Variants in DOCK2 observed in about 807,000 individuals in gnomAD.
The protein encoded by DOCK2 is dedicator of cytokinesis protein 2.
DOCK2 carries 87 observed loss-of-function variants against 248.9 expected under a neutral mutation model. The ratio of observed to expected loss-of-function variants is 0.35; its 90% confidence interval spans 0.29 to 0.42. DOCK2 has a LOEUF of 0.42. Ranked by LOEUF, DOCK2 falls within the 10% of genes least tolerant of loss-of-function variation. DOCK2 has a pLI of 1.00. For synonymous variants in DOCK2, 805 were observed against 821.6 expected (o/e 0.98, Z 0.35); for missense variants, 1,747 against 2,300.2 (o/e 0.76, Z 4.92).
At chr5:169,706,841 G>T (rs1227102880) in intron 14 of DOCK2, among the ~76,000 whole-genome samples, 1 of 152,226 alleles carries the variant, frequency 6.6e-6, no homozygotes, top group Non-Finnish European at 1.5e-5. Context: ...AGCACAAGGG[G>T]AGATTTCCAG....
chr5:169,787,268 C>T (rs906626782), intron 25 of DOCK2, among the ~76,000 whole-genome samples: 14 of 152,238 alleles, frequency 9.2e-5, no homozygotes, highest in African/African-American at 3.4e-4. Flanking sequence ...TCCTTCCATT[C>T]CTCTTCTTCA....
At chr5:169,808,302 G>A (rs895670118) in intron 26 of DOCK2, among the ~76,000 whole-genome samples, 1 of 152,108 alleles carries the variant, frequency 6.6e-6, no homozygotes, top group Non-Finnish European at 1.5e-5. Flanking sequence ...GCTTCCATTT[G>A]GGGGGCGCTG....
chr5:170,034,810 A>G (rs1756266819), intron 35 of DOCK2, among the ~76,000 whole-genome samples: 1 of 152,180 alleles, frequency 6.6e-6, no homozygotes, highest in Non-Finnish European at 1.5e-5. Context: ...AACACATCAC[A>G]TGGAAGGAAG....
At chr5:170,045,365 C>T (rs576525995) in intron 38 of DOCK2, among the ~76,000 whole-genome samples, 11 of 152,274 alleles carry the variant, frequency 7.2e-5, no homozygotes, top group African/African-American at 2.4e-4. Flanking sequence ...TCAAAGGTTT[C>T]CTTCACTAAA....
intron 25 of DOCK2, among the ~76,000 whole-genome samples, chr5:169,782,055 C>T (rs184565762): frequency 1.7e-4 from 26 of 152,274 alleles, no homozygotes; most frequent in Non-Finnish European, 3.4e-4. Flanking sequence ...CCACAGCACT[C>T]TGCTGTCTGT....
At chr5:169,803,229 A>T (rs1309401229) in intron 26 of DOCK2, 23 bp downstream of exon 26, 1 of 1,609,176 alleles carries the variant, frequency 6.2e-7, no homozygotes, top group Non-Finnish European at 8.5e-7. Flanking sequence ...GATGATGTAG[A>T]TATCCTGGAC....
At chr5:169,688,910 G>A (rs1213489172) in intron 8 of DOCK2, among the ~76,000 whole-genome samples, 4 of 152,156 alleles carry the variant, frequency 2.6e-5, no homozygotes, top group Admixed American at 2.6e-4. Context: ...ATATACTAAA[G>A]TCCTTTCCCC....
intron 2 of DOCK2, among the ~76,000 whole-genome samples, chr5:169,665,709 G>T (rs962318665): frequency 6.6e-6 from 1 of 152,120 alleles, no homozygotes; most frequent in Non-Finnish European, 1.5e-5. Flanking sequence ...CTCCTCTGGG[G>T]CTAGGTGTTA....
At chr5:169,852,330 C>G (rs951193860) in intron 27 of DOCK2, among the ~76,000 whole-genome samples, 1 of 152,204 alleles carries the variant, frequency 6.6e-6, no homozygotes, top group Admixed American at 6.5e-5. Flanking sequence ...GAGGGGCCAG[C>G]TTTTTCTTGT....
chr5:169,969,666 A>G (rs1777429673), intron 27 of DOCK2, among the ~76,000 whole-genome samples: 1 of 152,192 alleles, frequency 6.6e-6, no homozygotes, highest in Non-Finnish European at 1.5e-5. Context: ...TGCAGTGCCT[A>G]CAGGGTCCAG....
intron 40 of DOCK2, among the ~76,000 whole-genome samples, chr5:170,048,263 G>A (rs548451014): frequency 4.8e-4 from 73 of 151,926 alleles, no homozygotes; most frequent in Non-Finnish European, 9.0e-4. Flanking sequence ...GTGGTGATGC[G>A]CACCTATAAT....
chr5:169,963,223 G>T (rs1262616570), intron 27 of DOCK2, among the ~76,000 whole-genome samples: 10 of 152,122 alleles, frequency 6.6e-5, no homozygotes, highest in Non-Finnish European at 8.8e-5. Context: ...GTCCACGTGG[G>T]GTGGGTATCA....
intron 27 of DOCK2, among the ~76,000 whole-genome samples, chr5:169,966,713 C>T (rs866428848): frequency 2.0e-5 from 3 of 152,264 alleles, no homozygotes; most frequent in Middle Eastern, 6.8e-3. Context: ...ATGGTCTCCT[C>T]ACTCTGGGAC....
intron 6 of DOCK2, among the ~76,000 whole-genome samples, chr5:169,677,813 A>G (rs1759419146): frequency 6.6e-6 from 1 of 152,212 alleles, no homozygotes; most frequent in African/African-American, 2.4e-5. Flanking sequence ...GCCATGGGGA[A>G]ACATACAGGC....
intron 27 of DOCK2, among the ~76,000 whole-genome samples, chr5:169,926,852 C>T (rs994280776): frequency 4.6e-5 from 7 of 152,110 alleles, no homozygotes; most frequent in African/African-American, 1.7e-4. Flanking sequence ...CAATGTCCCT[C>T]CCTCTAGGTC....
intron 32 of DOCK2, among the ~76,000 whole-genome samples, chr5:170,009,980 C>T (rs763196525): frequency 5.3e-5 from 8 of 152,186 alleles, no homozygotes; most frequent in Admixed American, 6.5e-5. Context: ...CTGACATTTA[C>T]AGGCTGTGAG....
chr5:169,670,593 A>G lies in DOCK2; in HGVS notation c.220A>G (p.Arg74Gly). ...CATCAAGGAAGTGACAGTTGAGAAAAGAAGGTATTTGCCATTCTTCACCAG... is the reference window on the plus strand; with the variant it reads ...CATCAAGGAAGTGACAGTTGAGAAAGGAAGGTATTTGCCATTCTTCACCAG... ...IHIKEVTVEK[R>G]RNTENIIPAE... Residue 74 changes from arginine (R) to glycine (G), a missense_variant, in exon 4 of 52, where the codon AGA becomes GGA. By Grantham distance (125) the Arg-to-Gly change is moderately radical. Transcript: ENST00000520908. The G allele has an allele frequency of 6.2e-7, 1 of 1,614,102 alleles. No homozygotes were observed. The highest frequency in any genetic ancestry group is 1.1e-5 in the South Asian group (1 of 91,066).
intron 22 of DOCK2, among the ~76,000 whole-genome samples, chr5:169,733,938 C>CA (rs1212392135): frequency 1.3e-5 from 2 of 151,980 alleles, no homozygotes; most frequent in East Asian, 1.9e-4. Flanking sequence ...ATACCAATTC[C>CA]AAAAAAACTA....
intron 27 of DOCK2, among the ~76,000 whole-genome samples, chr5:169,848,253 C>T (rs1054945189): frequency 6.6e-6 from 1 of 152,182 alleles, no homozygotes; most frequent in African/African-American, 2.4e-5. Flanking sequence ...TTGCTATCTC[C>T]TGTTGTTTGG....
Sources: gnomAD v4.1 joint callset for allele counts (sites outside exome capture counted in the v4.1 genomes callset) on GRCh38, gnomAD v4.1.1 for gene constraint, MANE v1.5 for transcripts, NCBI Gene and HGNC (gene_info 2026-07-23, HGNC 2026-07-21) for gene names.